Variants in OR11A1 observed in about 807,000 individuals in gnomAD.
OR11A1 encodes olfactory receptor 11A1.
For synonymous variants in OR11A1, 158 were observed against 152.2 expected, an observed-to-expected ratio of 1.04 and a Z score of -0.28; for missense variants, 380 against 378.2, an observed-to-expected ratio of 1.00 and a Z score of -0.04.
intron 1 of OR11A1, chr6:29,450,310 C>A (rs1325588949): frequency 6.6e-6 from 1 of 152,264 alleles, no homozygotes; most frequent in African/African-American, 2.4e-5. Context: ...CCTGCTGGGT[C>A]ATCCCTCACA....
rs1782810242 is a variant in OR11A1 at position 29,426,477 on chromosome 6, G to A, written c.*217C>T. On this transcript the variant is annotated 3_prime_UTR_variant, in exon 5 of 5. Coordinates refer to ENST00000377149, the MANE Select transcript of OR11A1 (RefSeq NM_001394828.1). ...AATAATCTGTACAGTAAACCCCCATGACACAAGTTTACCTATGTAACAAAC... is the reference window on the plus strand; with the variant it reads ...AATAATCTGTACAGTAAACCCCCATAACACAAGTTTACCTATGTAACAAAC... 1 of 545,364 alleles carries A rather than the reference G, an allele frequency of 1.8e-6. No homozygotes were observed. The allele number at this position is 545,364 out of a possible 1,614,324, so 33.8% of individuals were successfully genotyped here.
Position 29,428,142 on chromosome 6 carries a change from G to A in OR11A1, c.-91-410C>T, listed in dbSNP as rs116703511. 5,781 of 668,098 alleles carry A rather than the reference G, an allele frequency of 8.7e-3. 44 individuals are homozygous for A. The highest frequency in any genetic ancestry group is 9.7e-3 in the Non-Finnish European group (5,225 of 538,292). The allele number at this position is 668,098 out of a possible 1,614,324, so 41.4% of individuals were successfully genotyped here. A position where few individuals can be genotyped will look rare whatever the true frequency, so the allele number is the denominator to read the frequency against. On this transcript the variant is annotated intron_variant, in intron 4 of 4. Coordinates refer to ENST00000377149, the MANE Select transcript of OR11A1 (RefSeq NM_001394828.1). ...TTGAGAATTCTGTCTAATCCCCATGGTCACTATCTCATTCTTCTCATTATC... is the reference window on the plus strand; with the variant it reads ...TTGAGAATTCTGTCTAATCCCCATGATCACTATCTCATTCTTCTCATTATC...
intron 1 of OR11A1, among the ~76,000 whole-genome samples, chr6:29,455,208 A>G (rs1009887163): frequency 1.3e-5 from 2 of 152,212 alleles, no homozygotes; most frequent in African/African-American, 4.8e-5. Flanking sequence ...TGAAGACGCC[A>G]TTCAAATTGA....
chr6:29,451,197 C>T (rs1785339543), intron 1 of OR11A1, among the ~76,000 whole-genome samples: 1 of 152,136 alleles, frequency 6.6e-6, no homozygotes, highest in Admixed American at 6.5e-5. Flanking sequence ...ATGCAAAAGT[C>T]AACTCGAAGT....
In OR11A1 at chr6:29,427,365, T is replaced by G. The variant is rs1200617407; in HGVS notation, c.277A>C (p.Ile93Leu). 6.2e-7 allele frequency: 1 copy of G among 1,613,082 alleles called. No individual in the cohort carries two copies. The highest frequency in any genetic ancestry group is 1.1e-5 in the South Asian group (1 of 91,084). Residue 93 changes from isoleucine (I) to leucine (L), a missense_variant, in exon 5 of 5, where the codon ATC (isoleucine) becomes CTC (leucine). Ile to Leu is a conservative substitution (Grantham distance 5). Transcript: ENST00000377149. ...MLEGFLQEAT[I>L]SVAGCLLQFF... ...TGGAGCAAGCAACCAGCCACAGAGA[T>G]AGTTGCTTCTTGCAGGAAGCCCTCC...
At chr6:29,442,040 T>A (rs1281648945) in intron 1 of OR11A1, among the ~76,000 whole-genome samples, 1 of 152,322 alleles carries the variant, frequency 6.6e-6, no homozygotes, top group Non-Finnish European at 1.5e-5. Context: ...TTGCAAACAA[T>A]CAAGCTTAAT....
At chr6:29,430,606 A>T (rs1208518993) in intron 2 of OR11A1, among the ~76,000 whole-genome samples, 181 bp from the exon 3 acceptor site, 1 of 152,192 alleles carries the variant, frequency 6.6e-6, no homozygotes, top group Non-Finnish European at 1.5e-5. Context: ...AGTGGGAGCT[A>T]AATAATGTGT....
At position 29,453,775 on chromosome 6, in the gene OR11A1, A is replaced by C. The variant is rs2151407110; in HGVS notation, c.-389+3212T>G. 6.6e-6 allele frequency among the ~76,000 whole-genome samples: 1 copy of C among 152,290 alleles called. No homozygotes were observed. The highest frequency in any genetic ancestry group is 1.9e-4 in the East Asian group (1 of 5,190). On this transcript the variant is annotated intron_variant, in intron 1 of 4. Coordinates refer to ENST00000377149, the MANE Select transcript of OR11A1 (RefSeq NM_001394828.1). This position sits in a 1 kb window ranked among gnomAD's most constrained non-coding sequence, Gnocchi z 4.5. ...TATGTACAGAAGAAACATGAGAGAAACCAGCATGAAGTAAAATCCAAGACA... is the reference window on the plus strand; with the variant it reads ...TATGTACAGAAGAAACATGAGAGAACCCAGCATGAAGTAAAATCCAAGACA...
At chr6:29,434,188 T>C (rs145739317) in intron 1 of OR11A1, among the ~76,000 whole-genome samples, 157 of 152,314 alleles carry the variant, frequency 1.0e-3, no homozygotes, top group Non-Finnish European at 1.7e-3. Context: ...ATTTGTTTAC[T>C]TTTGGTTTTG....
Position 29,426,946 on chromosome 6 carries a change from C to G in OR11A1, c.696G>C (p.Gly232=), listed in dbSNP as rs1440636821. The part of the protein sequence containing the change: ...IVVAVLRVPA[G]ASRRRAFSTC... ...TGGAGAAAGCCCTTCTCCTGCTTGC[C>G]CCAGCAGGAACTCTCAGCACTGCCA... The change falls in exon 5 of 5, where the codon GGG becomes GGC. Residue 232 remains glycine (G), a synonymous_variant. Transcript: ENST00000377149. 1 of 1,612,964 alleles carries G rather than the reference C, an allele frequency of 6.2e-7. No homozygotes were observed.
chr6:29,451,814 A>AAC (rs1561827811), intron 1 of OR11A1, among the ~76,000 whole-genome samples: 9 of 152,248 alleles, frequency 5.9e-5, no homozygotes, highest in African/African-American at 2.2e-4. Context: ...CTGAACTGCC[A>AAC]TTTGACCCAG....
At chr6:29,451,065 C>A (rs1785320951) in intron 1 of OR11A1, among the ~76,000 whole-genome samples, 1 of 152,156 alleles carries the variant, frequency 6.6e-6, no homozygotes, top group African/African-American at 2.4e-5. Context: ...TGCCGCACAC[C>A]TACAACCATC....
chr6:29,438,286 T>C (rs1783802701), intron 1 of OR11A1, among the ~76,000 whole-genome samples: 1 of 151,916 alleles, frequency 6.6e-6, no homozygotes, highest in Non-Finnish European at 1.5e-5. Context: ...GTATAATAAA[T>C]GAAAAAGAAA....
intron 1 of OR11A1, among the ~76,000 whole-genome samples, chr6:29,445,645 G>A (rs1363083815): frequency 6.6e-6 from 1 of 152,100 alleles, no homozygotes; most frequent in East Asian, 1.9e-4. Flanking sequence ...GCTCCCCACT[G>A]AGCTCTCTGG....
intron 1 of OR11A1, chr6:29,440,665 A>G (rs1055422872): frequency 1.9e-6 from 3 of 1,613,982 alleles, no homozygotes; most frequent in African/African-American, 1.3e-5. Context: ...CTGGGCTCCT[A>G]CGGGCGTATC....
intron 1 of OR11A1, among the ~76,000 whole-genome samples, chr6:29,436,262 CCTGATTTG>C (rs1297028574): frequency 2.0e-5 from 3 of 152,108 alleles, no homozygotes; most frequent in Admixed American, 1.3e-4. Context: ...TTCATGATTT[CCTGATTTG>C]CTGAATGCCA....
At chr6:29,429,521 A>G (rs1016975439) in intron 3 of OR11A1, among the ~76,000 whole-genome samples, 1 of 152,198 alleles carries the variant, frequency 6.6e-6, no homozygotes, top group African/African-American at 2.4e-5. Flanking sequence ...AGAAAATTGC[A>G]ATACGCCAAA....
At chr6:29,443,351 GT>G (rs577645299) in intron 1 of OR11A1, among the ~76,000 whole-genome samples, 156 of 151,998 alleles carry the variant, frequency 1.0e-3, no homozygotes, top group African/African-American at 3.6e-3. Flanking sequence ...TTTTTTCAGA[GT>G]TTTATATAAA....
At chr6:29,433,027 T>C (rs1034276555) in intron 1 of OR11A1, among the ~76,000 whole-genome samples, 1 of 152,198 alleles carries the variant, frequency 6.6e-6, no homozygotes, top group African/African-American at 2.4e-5. Context: ...AAATGTAGCA[T>C]TTTTTAGTTA....
Sources: gnomAD v4.1 joint callset for allele counts (sites outside exome capture counted in the v4.1 genomes callset) on GRCh38, gnomAD v4.1.1 for gene constraint, Gnocchi (gnomAD v3.1) non-coding constraint, MANE v1.5 for transcripts, NCBI Gene and HGNC (gene_info 2026-07-23, HGNC 2026-07-21) for gene names.